The following ZMYND8 variants were observed in gnomAD, a reference collection of about 807,000 sequenced individuals.
ZMYND8 encodes the protein MYND-type zinc finger-containing chromatin reader ZMYND8.
A neutral mutation model predicts 140.8 loss-of-function variants in ZMYND8; 37 were observed. The observed-to-expected ratio is 0.26, with a 90% CI of 0.20 to 0.35. The LOEUF is 0.35. Among genes scored for constraint, ZMYND8 ranks in the 10% least tolerant of loss-of-function variants. ZMYND8 has a pLI of 1.00. For missense variants in ZMYND8, 1,068 were observed against 1,570.0 expected, an observed-to-expected ratio of 0.68 and a Z score of 5.40; for synonymous variants, 592 against 597.1, an observed-to-expected ratio of 0.99 and a Z score of 0.12.
chr20:47,259,994 G>A (rs1262331060), intron 12 of ZMYND8, among the ~76,000 whole-genome samples: 1 of 152,124 alleles, frequency 6.6e-6, no homozygotes, highest in Non-Finnish European at 1.5e-5. Context: ...TCCACCTAGG[G>A]GTGTAACAGC....
rs1392413181 is a variant in ZMYND8 at position 47,311,695 on chromosome 20, C to G, written c.86-1491G>C. Among the ~76,000 whole-genome samples the G allele has an allele frequency of 5.3e-5, 8 of 152,028 alleles. No individual in the cohort carries two copies. In the East Asian group the frequency reaches 1.5e-3, roughly 29 times the overall value. On this transcript the variant is annotated intron_variant, in intron 2 of 22. Transcript: ENST00000471951. The stretch of plus-strand genomic sequence containing the variant: ...CAGCCTGGCCAATAAGGTAAAACCC[C>G]GTCTCTACTAAAAATACAAAAACAA...
chr20:47,340,910 G>A (rs202092989), intron 2 of ZMYND8, among the ~76,000 whole-genome samples: 2 of 152,096 alleles, frequency 1.3e-5, no homozygotes, highest in East Asian at 3.8e-4. Context: ...GATAGAGGAC[G>A]CTCTGGATGC....
chr20:47,317,160 G>A (rs1350868707), intron 2 of ZMYND8, among the ~76,000 whole-genome samples: 1 of 152,190 alleles, frequency 6.6e-6, no homozygotes, highest in Non-Finnish European at 1.5e-5. Context: ...GGAAGTATAG[G>A]GACAGAGAAG....
intron 2 of ZMYND8, among the ~76,000 whole-genome samples, chr20:47,314,648 T>C (rs1284314348): frequency 6.6e-6 from 1 of 152,218 alleles, no homozygotes; most frequent in Non-Finnish European, 1.5e-5. Context: ...CGCTAGGGTA[T>C]GTGTATGTGT....
Position 47,318,682 on chromosome 20 carries a change from C to T in ZMYND8, c.86-8478G>A, listed in dbSNP as rs74639709. The T allele has an allele frequency of 6.7e-3, 3,063 of 456,336 alleles. 81 individuals carry two copies. Among genetic ancestry groups the T allele is most frequent in the African/African-American group, 0.05 (2,531 of 50,188 alleles). The allele number at this position is 456,336 out of a possible 1,614,324, so 28.3% of individuals were successfully genotyped here. On this transcript the variant is annotated intron_variant, in intron 2 of 22. Coordinates refer to ENST00000471951, the MANE Select transcript of ZMYND8 (RefSeq NM_001281775.3). The stretch of plus-strand genomic sequence containing the variant: ...CCACAGAAACTCGAGGACCGGTCTG[C>T]ACCCTGGCTGACTTGGGCCTGCCAG...
intron 16 of ZMYND8, among the ~76,000 whole-genome samples, chr20:47,233,446 G>A (rs1474495794): frequency 6.6e-6 from 1 of 151,910 alleles, no homozygotes; most frequent in East Asian, 1.9e-4. Context: ...TGGCCTCAAG[G>A]GATCCTCCCA....
intron 16 of ZMYND8, among the ~76,000 whole-genome samples, chr20:47,232,798 A>G (rs758931205): frequency 5.9e-5 from 9 of 152,152 alleles, no homozygotes; most frequent in Non-Finnish European, 7.3e-5. Flanking sequence ...CCCGCTTTCA[A>G]TTCTCTAATA....
chr20:47,258,272 G>C (rs1418306478), intron 12 of ZMYND8, among the ~76,000 whole-genome samples: 2 of 152,230 alleles, frequency 1.3e-5, no homozygotes, highest in African/African-American at 4.8e-5. Flanking sequence ...AGACAGGCCT[G>C]GGCCTGAAGG....
At chr20:47,315,486 T>C (rs566788961) in intron 2 of ZMYND8, among the ~76,000 whole-genome samples, 25 of 152,102 alleles carry the variant, frequency 1.6e-4, no homozygotes, top group Admixed American at 1.5e-3. Context: ...CTGGATTCGG[T>C]ATCCTTCGGA....
intron 11 of ZMYND8, among the ~76,000 whole-genome samples, chr20:47,273,541 A>G (rs1201552589): frequency 1.3e-5 from 2 of 152,182 alleles, no homozygotes; most frequent in Non-Finnish European, 2.9e-5. Flanking sequence ...GCAAGACTTC[A>G]TCTCAAAAAA....
In ZMYND8 at chr20:47,285,971, G is replaced by A. The variant is rs2268319; in HGVS notation, c.804+1258C>T. ...CTTTGGAGGCTGAGGCAGAAGGATC[G>A]CCTGAGCCCAGGAGTTTGAGACCAG... On this transcript the variant is annotated intron_variant, in intron 8 of 22. Transcript: ENST00000471951. 7 of 404,094 alleles carry A rather than the reference G, an allele frequency of 1.7e-5. No individual in the cohort carries two copies. In the Admixed American group the frequency reaches 3.2e-4, roughly 19 times the overall value. The allele number at this position is 404,094 out of a possible 1,614,324, so 25.0% of individuals were successfully genotyped here.
chr20:47,260,578 C>T (rs555348432), intron 12 of ZMYND8, among the ~76,000 whole-genome samples: 1 of 152,308 alleles, frequency 6.6e-6, no homozygotes, highest in East Asian at 1.9e-4. Flanking sequence ...TTTTTCTTGT[C>T]ACGTAAACTT....
intron 11 of ZMYND8, among the ~76,000 whole-genome samples, chr20:47,269,070 A>G (rs1188105289): frequency 6.6e-6 from 1 of 152,006 alleles, no homozygotes; most frequent in Non-Finnish European, 1.5e-5. Flanking sequence ...GTGTTGGCAC[A>G]TGCCTGTAAT....
chr20:47,340,287 C>A (rs534946603), intron 2 of ZMYND8, among the ~76,000 whole-genome samples: 4 of 149,838 alleles, frequency 2.7e-5, no homozygotes, highest in African/African-American at 1.0e-4. Flanking sequence ...CCTCTCAAAT[C>A]ATTGGGGTAA....
intron 14 of ZMYND8, among the ~76,000 whole-genome samples, chr20:47,239,833 T>A (rs1394665353): frequency 1.3e-5 from 2 of 152,246 alleles, no homozygotes; most frequent in Non-Finnish European, 2.9e-5. Flanking sequence ...TTGGATTTAT[T>A]CCTATCACCA....
chr20:47,270,582 T>C (rs947092602), intron 11 of ZMYND8, among the ~76,000 whole-genome samples: 11 of 149,214 alleles, frequency 7.4e-5, no homozygotes, highest in Non-Finnish European at 1.2e-4. Flanking sequence ...AGTTGATAGC[T>C]GGGTGTGGTG....
At chr20:47,235,882 T>A (rs569362439) in intron 16 of ZMYND8, among the ~76,000 whole-genome samples, 1 of 152,258 alleles carries the variant, frequency 6.6e-6, no homozygotes, top group Non-Finnish European at 1.5e-5. Context: ...CCCCTCCCCA[T>A]CCATCTTGAT....
At chr20:47,324,560 C>A (rs2080255893) in intron 2 of ZMYND8, among the ~76,000 whole-genome samples, 1 of 152,000 alleles carries the variant, frequency 6.6e-6, no homozygotes, top group South Asian at 2.1e-4. Flanking sequence ...ATAGTGCACT[C>A]CCTGCTTAAA....
At chr20:47,346,667 T>C (rs2082358235) in intron 2 of ZMYND8, among the ~76,000 whole-genome samples, 1 of 151,952 alleles carries the variant, frequency 6.6e-6, no homozygotes, top group South Asian at 2.1e-4. Context: ...AGTGCAGTGG[T>C]GCGATCTCAG....
Sources: gnomAD v4.1 joint callset for allele counts (sites outside exome capture counted in the v4.1 genomes callset) on GRCh38, gnomAD v4.1.1 for gene constraint, MANE v1.5 for transcripts, NCBI Gene and HGNC (gene_info 2026-07-23, HGNC 2026-07-21) for gene names.